RBMS3: variants seen among roughly 807,000 people sequenced by gnomAD.
RBMS3 encodes RNA binding motif single stranded interacting protein 3.
In RBMS3, 27 loss-of-function variants were observed where a neutral mutation model predicts 66.8. The ratio of observed to expected loss-of-function variants is 0.40; its 90% CI spans 0.30 to 0.56. The LOEUF (loss-of-function observed/expected upper bound fraction) is 0.56. Ranked by LOEUF, RBMS3 falls within the 20% of genes least tolerant of loss-of-function variation. RBMS3 has a pLI of 0.40. For synonymous variants in RBMS3, 188 were observed against 183.0 expected (o/e 1.03, Z -0.22); for missense variants, 513 against 549.5 (o/e 0.93, Z 0.66).
chr3:29,842,191 A>T (rs77621284), intron 6 of RBMS3, among the ~76,000 whole-genome samples: 2,307 of 152,258 alleles, frequency 0.015, 54 homozygotes, highest in African/African-American at 0.053. Flanking sequence ...TCAGTGCACC[A>T]TTCACATTAT....
chr3:29,439,812 G>T (rs1575819050), intron 2 of RBMS3, among the ~76,000 whole-genome samples: 1 of 151,918 alleles, frequency 6.6e-6, no homozygotes, highest in Non-Finnish European at 1.5e-5. Flanking sequence ...ACAATTAAAT[G>T]GCTGTAATAT....
chr3:29,946,105 TG>T (rs1695286450), intron 12 of RBMS3, among the ~76,000 whole-genome samples: 1 of 151,728 alleles, frequency 6.6e-6, no homozygotes, highest in African/African-American at 2.4e-5. Flanking sequence ...AAGATTTAAT[TG>T]GTAGTTTGAC....
chr3:29,864,092 ATTAT>A (rs1250217376), intron 6 of RBMS3, among the ~76,000 whole-genome samples: 1 of 152,206 alleles, frequency 6.6e-6, no homozygotes, highest in Non-Finnish European at 1.5e-5. Context: ...AGCAACAGTA[ATTAT>A]TTAACATTTT....
At chr3:29,837,691 T>C (rs1250904885) in intron 6 of RBMS3, among the ~76,000 whole-genome samples, 1 of 124,732 alleles carries the variant, frequency 8.0e-6, no homozygotes, top group Admixed American at 8.3e-5. Context: ...TATATATATA[T>C]ATATATATAT....
At chr3:29,941,065 A>T (rs1456599999) in intron 11 of RBMS3, among the ~76,000 whole-genome samples, 1 of 151,824 alleles carries the variant, frequency 6.6e-6, no homozygotes, top group Non-Finnish European at 1.5e-5. Context: ...ATGTCACCAG[A>T]ATCTGTTGGA....
chr3:29,826,715 C>T (rs185676722), intron 6 of RBMS3, among the ~76,000 whole-genome samples: 54 of 152,182 alleles, frequency 3.5e-4, no homozygotes, highest in Non-Finnish European at 4.4e-5. Context: ...TTTCTTAGAT[C>T]ATAGCCCTGG....
chr3:29,756,533 T>A (rs1222351666), intron 5 of RBMS3, among the ~76,000 whole-genome samples: 1 of 151,898 alleles, frequency 6.6e-6, no homozygotes, highest in Non-Finnish European at 1.5e-5. Flanking sequence ...TCAGATCTCA[T>A]CAGACTTACT....
intron 8 of RBMS3, among the ~76,000 whole-genome samples, chr3:29,895,016 C>G (rs2218725): frequency 0.88 from 132,775 of 151,502 alleles, 58,353 homozygotes; most frequent in Non-Finnish European, 0.9. Flanking sequence ...AACAGTATCA[C>G]AGAAGTAGGC....
chr3:29,486,389 C>A (rs2043318079), intron 2 of RBMS3, among the ~76,000 whole-genome samples: 1 of 152,110 alleles, frequency 6.6e-6, no homozygotes, highest in African/African-American at 2.4e-5. Context: ...GTCAAGTACT[C>A]TGAGTTGTGT....
At chr3:29,676,234 T>G (rs189729385) in intron 4 of RBMS3, among the ~76,000 whole-genome samples, 1 of 151,952 alleles carries the variant, frequency 6.6e-6, no homozygotes, top group Non-Finnish European at 1.5e-5. Flanking sequence ...ATGAGAACAC[T>G]TGGACACAGG....
chr3:29,853,421 TTC>T (rs2058987262), intron 6 of RBMS3, among the ~76,000 whole-genome samples: 2 of 118,698 alleles, frequency 1.7e-5, no homozygotes, highest in Non-Finnish European at 3.4e-5. Context: ...ACAATTTACT[TTC>T]TTTTTTTTTT....
At chr3:29,740,451 A>G (rs2149350365) in intron 5 of RBMS3, among the ~76,000 whole-genome samples, 1 of 152,300 alleles carries the variant, frequency 6.6e-6, no homozygotes, top group Middle Eastern at 3.4e-3. Flanking sequence ...ACAGGGGAAA[A>G]AAAAATATTC....
intron 10 of RBMS3, among the ~76,000 whole-genome samples, chr3:29,908,120 G>T (rs2060427939): frequency 6.6e-6 from 1 of 151,872 alleles, no homozygotes; most frequent in African/African-American, 2.4e-5. Flanking sequence ...GCATGGTGGT[G>T]CATGCCTATA....
intron 1 of RBMS3, among the ~76,000 whole-genome samples, chr3:29,425,053 G>C (rs2040889771): frequency 6.6e-6 from 1 of 151,704 alleles, no homozygotes; most frequent in South Asian, 2.1e-4. Context: ...TTTTAAAAAA[G>C]CTAGGGGAGG....
At chr3:29,952,839 G>C (rs1695773774) in intron 12 of RBMS3, among the ~76,000 whole-genome samples, 2 of 151,834 alleles carry the variant, frequency 1.3e-5, no homozygotes, top group Non-Finnish European at 2.9e-5. Context: ...AAGAGACTCA[G>C]ATACGGGAAT....
intron 4 of RBMS3, among the ~76,000 whole-genome samples, chr3:29,638,081 A>C (rs755420331): frequency 6.6e-6 from 1 of 151,912 alleles, no homozygotes; most frequent in Non-Finnish European, 1.5e-5. Flanking sequence ...AGGTCAAGGT[A>C]TGTTTGAGTG....
chr3:29,644,692 T>C (rs531240349), intron 4 of RBMS3, among the ~76,000 whole-genome samples: 80 of 152,320 alleles, frequency 5.3e-4, no homozygotes, highest in African/African-American at 1.9e-3. Context: ...TGAATTTTAG[T>C]CTTTCATTGC....
chr3:29,547,684 T>TA (rs1466445465), intron 3 of RBMS3, among the ~76,000 whole-genome samples: 2 of 152,088 alleles, frequency 1.3e-5, no homozygotes, highest in Non-Finnish European at 2.9e-5. Context: ...AAAATATATA[T>TA]TTTTTAAGGA....
intron 4 of RBMS3, among the ~76,000 whole-genome samples, chr3:29,633,057 T>G (rs936783526): frequency 3.9e-5 from 6 of 151,938 alleles, no homozygotes; most frequent in Admixed American, 2.6e-4. Flanking sequence ...TCTAGGTTTT[T>G]GCTGTGCTTA....
Sources: allele counts gnomAD v4.1 joint callset (sites outside exome capture counted in the v4.1 genomes callset), GRCh38; gene constraint gnomAD v4.1.1; transcripts MANE v1.5; gene names NCBI Gene and HGNC (gene_info 2026-07-23, HGNC 2026-07-21).